The following LOC400499 variants were observed in gnomAD, a reference collection of about 807,000 sequenced individuals.
the LOC400499 span, among the ~76,000 whole-genome samples, chr16:11,389,200 C>G: frequency 1.3e-5 from 2 of 152,218 alleles, no homozygotes; most frequent in Non-Finnish European, 2.9e-5. Context: ...ACTCTACCTT[C>G]TCCTCAAAGC....
At chr16:11,461,975 C>G in the LOC400499 span, 2 of 750,112 alleles carry the variant, frequency 2.7e-6, no homozygotes, top group Non-Finnish European at 3.9e-6. Flanking sequence ...TCTGGGGGCT[C>G]ACATGGAGCT....
At chr16:11,375,169 C>A in the LOC400499 span, among the ~76,000 whole-genome samples, 1 of 124,500 alleles carries the variant, frequency 8.0e-6, no homozygotes, top group Non-Finnish European at 1.7e-5. Context: ...TGATGAATTG[C>A]CATATTGTCT....
chr16:11,477,408 T>C, the LOC400499 span, among the ~76,000 whole-genome samples: 25 of 152,332 alleles, frequency 1.6e-4, no homozygotes, highest in African/African-American at 5.8e-4. Flanking sequence ...TGGCGCCATG[T>C]GGCCCCAGGC....
the LOC400499 span, among the ~76,000 whole-genome samples, chr16:11,498,078 G>T: frequency 6.6e-6 from 1 of 152,144 alleles, no homozygotes; most frequent in Non-Finnish European, 1.5e-5. Flanking sequence ...AACAGAACTG[G>T]GAGAAGACAA....
the LOC400499 span, among the ~76,000 whole-genome samples, chr16:11,479,195 G>C: frequency 2.0e-5 from 3 of 152,180 alleles, no homozygotes; most frequent in African/African-American, 4.8e-5. Flanking sequence ...AAAACTCCTA[G>C]AGCATGAACC....
chr16:11,404,890 G>A, the LOC400499 span: 13 of 398,700 alleles, frequency 3.3e-5, no homozygotes, highest in African/African-American at 1.2e-4. Context: ...ACGGCGTCAT[G>A]GGGGAACCCG....
chr16:11,457,772 C>A, the LOC400499 span, among the ~76,000 whole-genome samples: 1 of 152,136 alleles, frequency 6.6e-6, no homozygotes, highest in Non-Finnish European at 1.5e-5. Context: ...ACCCACATGT[C>A]CATCAACAGA....
chr16:11,524,768 C>T, the LOC400499 span, among the ~76,000 whole-genome samples: 2 of 151,710 alleles, frequency 1.3e-5, no homozygotes, highest in African/African-American at 2.4e-5. Context: ...AGCCACCCAG[C>T]CCTTCCACTG....
the LOC400499 span, chr16:11,462,206 A>AC: frequency 3.9e-6 from 6 of 1,534,800 alleles, no homozygotes; most frequent in Admixed American, 2.0e-5. Flanking sequence ...GTTCCCGGTG[A>AC]AGACGACGGG....
the LOC400499 span, among the ~76,000 whole-genome samples, chr16:11,468,582 T>C: frequency 6.6e-6 from 1 of 152,186 alleles, no homozygotes. Context: ...CAACTTGGCC[T>C]CCCAACTTTC....
the LOC400499 span, chr16:11,391,781 C>G: frequency 2.4e-6 from 3 of 1,232,258 alleles, no homozygotes; most frequent in Non-Finnish European, 3.0e-6. Context: ...CCCAACCACT[C>G]GCCTGCATGG....
the LOC400499 span, chr16:11,390,117 C>G: frequency 1.6e-6 from 2 of 1,232,306 alleles, no homozygotes; most frequent in Non-Finnish European, 2.0e-6. Flanking sequence ...GGCCGACAGG[C>G]TGTACAGGTC....
chr16:11,455,081 A>T, the LOC400499 span, among the ~76,000 whole-genome samples: 9 of 152,360 alleles, frequency 5.9e-5, no homozygotes, highest in East Asian at 1.7e-3. Context: ...GTAGACAAAA[A>T]TTATAGAAAA....
At chr16:11,447,679 G>A in the LOC400499 span, among the ~76,000 whole-genome samples, 1 of 151,980 alleles carries the variant, frequency 6.6e-6, no homozygotes, top group African/African-American at 2.4e-5. Flanking sequence ...ATGAGAAGAC[G>A]CCCCAAGCAG....
At chr16:11,476,170 T>A in the LOC400499 span, among the ~76,000 whole-genome samples, 3 of 99,108 alleles carry the variant, frequency 3.0e-5, no homozygotes, top group African/African-American at 1.4e-4. Flanking sequence ...GGACGGTGAG[T>A]GAGGGGCAGG....
chr16:11,399,915 G>A, the LOC400499 span: 1 of 398,082 alleles, frequency 2.5e-6, no homozygotes, highest in Non-Finnish European at 4.4e-6. Flanking sequence ...GGAAATGAGA[G>A]GCTAGGGAGG....
the LOC400499 span, among the ~76,000 whole-genome samples, chr16:11,465,941 T>C: frequency 6.6e-6 from 1 of 152,062 alleles, no homozygotes; most frequent in Non-Finnish European, 1.5e-5. Context: ...AAAAAACATA[T>C]AAACCTTGTG....
chr16:11,399,765 C>T, the LOC400499 span: 1 of 398,894 alleles, frequency 2.5e-6, no homozygotes, highest in Non-Finnish European at 4.4e-6. Flanking sequence ...ACCCGTCAGC[C>T]CAGGTGAGCT....
At chr16:11,486,829 G>T in the LOC400499 span, among the ~76,000 whole-genome samples, 1 of 89,462 alleles carries the variant, frequency 1.1e-5, no homozygotes, top group Non-Finnish European at 2.2e-5. Context: ...CGGGTGGGTG[G>T]TTGGATGAAC....
Sources: gnomAD v4.1 joint callset for allele counts (sites outside exome capture counted in the v4.1 genomes callset) on GRCh38, gnomAD v4.1.1 for gene constraint, MANE v1.5 for transcripts.